Variants in CAMTA1 observed in about 807,000 individuals in gnomAD.
CAMTA1 encodes the protein calmodulin-binding transcription activator 1.
Under a neutral mutation model 170.9 loss-of-function variants are expected in CAMTA1, and 27 were observed. That is an observed-to-expected ratio of 0.16 (90% CI 0.12 to 0.22). CAMTA1 has a LOEUF of 0.22. Ranked by LOEUF, CAMTA1 falls within the 10% of genes least tolerant of loss-of-function variation. CAMTA1 has a pLI of 1.00. For missense variants in CAMTA1, 1,619 were observed against 2,217.2 expected (o/e 0.73, Z 5.42); for synonymous variants, 833 against 891.5 (o/e 0.93, Z 1.17).
chr1:7,513,241 C>T (rs911439680), intron 6 of CAMTA1, among the ~76,000 whole-genome samples: 2 of 152,058 alleles, frequency 1.3e-5, no homozygotes, highest in Non-Finnish European at 2.9e-5. Flanking sequence ...CTGCCAGATG[C>T]TAGGATGTGG....
In CAMTA1 at chr1:6,918,286, C is replaced by T. The variant is rs1164881136; in HGVS notation, c.234+93076C>T. On this transcript the variant is annotated intron_variant, in intron 3 of 22. Transcript: ENST00000303635. The surrounding 1 kb of genome is among the most constrained non-coding windows in gnomAD (Gnocchi z 4.0). ...TGAAGAAGAATAATATTTTTTTAAT[C>T]TAAAAGAACTTTACATTTATGCTTG... 6.6e-6 allele frequency among the ~76,000 whole-genome samples: 1 copy of T among 152,158 alleles called. No individual in the cohort carries two copies. The highest frequency in any genetic ancestry group is 1.5e-5 in the Non-Finnish European group (1 of 68,018).
chr1:7,432,573 A>ACGGGGCCAGGATGCTGAGGGGC (rs2092210243), intron 5 of CAMTA1, among the ~76,000 whole-genome samples: 1 of 152,188 alleles, frequency 6.6e-6, no homozygotes, highest in Non-Finnish European at 1.5e-5. Flanking sequence ...TGGGGTCACC[A>ACGGGGCCAGGATGCTGAGGGGC]CGGGGCCAGG....
intron 3 of CAMTA1, among the ~76,000 whole-genome samples, chr1:6,907,847 C>G (rs1333457342): frequency 6.6e-6 from 1 of 152,182 alleles, no homozygotes; most frequent in East Asian, 1.9e-4. Context: ...CACTGTGGTC[C>G]TCAGACCTGG....
intron 4 of CAMTA1, among the ~76,000 whole-genome samples, chr1:7,180,953 T>A (rs1416326991): frequency 2.0e-5 from 3 of 152,192 alleles, no homozygotes; most frequent in Non-Finnish European, 4.4e-5. Context: ...AAAATGAAAT[T>A]ACAGAACAAT....
chr1:7,301,603 C>T (rs148011912), intron 5 of CAMTA1, among the ~76,000 whole-genome samples: 294 of 152,234 alleles, frequency 1.9e-3, no homozygotes, highest in African/African-American at 6.4e-3. Context: ...GTAACCAGAT[C>T]TCGGGGGAGT....
chr1:7,233,158 C>T (rs907970252), intron 4 of CAMTA1, among the ~76,000 whole-genome samples: 13 of 152,166 alleles, frequency 8.5e-5, no homozygotes, highest in Admixed American at 3.3e-4. Flanking sequence ...TTAGTCCTTC[C>T]TGCTAGGAGA....
chr1:6,909,494 G>A (rs558603899), intron 3 of CAMTA1, among the ~76,000 whole-genome samples: 3 of 152,322 alleles, frequency 2.0e-5, no homozygotes, highest in Admixed American at 2.0e-4. Flanking sequence ...TGGGGCGGGG[G>A]GCCTCTACCC....
At position 6,974,576 on chromosome 1, in the gene CAMTA1, A is replaced by G. The variant is rs149134128; in HGVS notation, c.235-116728A>G. Among the ~76,000 whole-genome samples, 1,414 of 152,170 alleles carry G rather than the reference A, an allele frequency of 9.3e-3. 15 individuals are homozygous for G. The highest frequency in any genetic ancestry group is 0.032 in the South Asian group (154 of 4,814). ...GAGATGGAAGGTCCAGGCTTATCCA[A>G]CCTCCTGTGCGCTCCCTGTGAATGT... On this transcript the variant is annotated intron_variant, in intron 3 of 22. Transcript: ENST00000303635.
At chr1:6,996,125 C>T (rs1162431548) in intron 3 of CAMTA1, among the ~76,000 whole-genome samples, 1 of 152,202 alleles carries the variant, frequency 6.6e-6, no homozygotes, top group African/African-American at 2.4e-5. Flanking sequence ...GTTAGCAAAG[C>T]CCCAAGACGT....
At chr1:7,008,821 A>G (rs866351253) in intron 3 of CAMTA1, 4 of 152,386 alleles carry the variant, frequency 2.6e-5, no homozygotes, top group African/African-American at 9.6e-5. Flanking sequence ...ATCCACAACC[A>G]TCTGAGCTAT....
intron 11 of CAMTA1, among the ~76,000 whole-genome samples, chr1:7,705,540 C>CGGGGCGCGCG (rs1230958951): frequency 6.1e-5 from 9 of 148,544 alleles, no homozygotes; most frequent in Non-Finnish European, 1.2e-4. Flanking sequence ...GGGGCGGCGT[C>CGGGGCGCGCG]GGGGCGCGCG....
In CAMTA1 at chr1:7,507,568, G is replaced by C. The variant is rs1255616963; in HGVS notation, c.510+39667G>C. 2.6e-5 allele frequency among the ~76,000 whole-genome samples: 4 copies of C among 152,324 alleles called. No individual in the cohort carries two copies. The East Asian group carries it at 7.7e-4, about 29-fold the overall frequency. On this transcript the variant is annotated intron_variant, in intron 6 of 22. Coordinates refer to ENST00000303635, the MANE Select transcript of CAMTA1 (RefSeq NM_015215.4). ...CTCAGAACACAGCATCTTAGTAATT[G>C]AAAGTGGCTTGACTCAAATTGCATT...
chr1:7,421,143 T>TTTTC (rs1170922224), intron 5 of CAMTA1, among the ~76,000 whole-genome samples: 1 of 151,990 alleles, frequency 6.6e-6, no homozygotes, highest in Admixed American at 6.6e-5. Flanking sequence ...TGAATTTCTT[T>TTTTC]TTTCTTTCTT....
At chr1:7,749,736 A>G (rs1429114730) in intron 19 of CAMTA1, 1 of 454,416 alleles carries the variant, frequency 2.2e-6, no homozygotes, top group South Asian at 1.6e-5. Context: ...TCAGCAATGT[A>G]ACATTAATCT....
chr1:7,437,132 C>T (rs977664741), intron 5 of CAMTA1, among the ~76,000 whole-genome samples: 1 of 152,138 alleles, frequency 6.6e-6, no homozygotes, highest in African/African-American at 2.4e-5. Flanking sequence ...CCAGCAGAGG[C>T]CCTTCCCAGC....
intron 4 of CAMTA1, among the ~76,000 whole-genome samples, chr1:7,187,896 G>A (rs568521076): frequency 6.6e-6 from 1 of 152,292 alleles, no homozygotes; most frequent in South Asian, 2.1e-4. Context: ...GATGGGCCCT[G>A]TATTAGTCTG....
chr1:7,250,304 A>T (rs1336326529), intron 5 of CAMTA1, among the ~76,000 whole-genome samples: 1 of 152,164 alleles, frequency 6.6e-6, no homozygotes, highest in East Asian at 1.9e-4. Flanking sequence ...TGAGGGCCTG[A>T]GCCATGTGTC....
chr1:7,523,893 AT>A (rs755455864), intron 6 of CAMTA1, among the ~76,000 whole-genome samples: 26 of 136,494 alleles, frequency 1.9e-4, no homozygotes, highest in Admixed American at 3.0e-4. Flanking sequence ...GAAAAAAAAA[AT>A]AATAATAATA....
intron 6 of CAMTA1, among the ~76,000 whole-genome samples, chr1:7,545,492 C>G (rs2094679947): frequency 6.6e-6 from 1 of 152,222 alleles, no homozygotes; most frequent in African/African-American, 2.4e-5. Flanking sequence ...TTCATTTTGT[C>G]ATTGACTTTT....
Sources: gnomAD v4.1 joint callset for allele counts (sites outside exome capture counted in the v4.1 genomes callset) on GRCh38, gnomAD v4.1.1 for gene constraint, Gnocchi (gnomAD v3.1) non-coding constraint, MANE v1.5 for transcripts, NCBI Gene and HGNC (gene_info 2026-07-23, HGNC 2026-07-21) for gene names.